The following STAMBPL1 variants were observed in gnomAD, a reference collection of about 807,000 sequenced individuals.
STAMBPL1 encodes STAM binding protein like 1, also known as AMSH-like protease.
A neutral mutation model predicts 52.9 loss-of-function variants in STAMBPL1; 44 were observed. The ratio of observed to expected loss-of-function variants is 0.83; its 90% CI spans 0.65 to 1.07. The LOEUF is 1.07. STAMBPL1 is among the 50% of genes least tolerant of loss of function. STAMBPL1 has a pLI of 0.00. For synonymous variants in STAMBPL1, 164 were observed against 177.3 expected, an observed-to-expected ratio of 0.92 and a Z score of 0.60; for missense variants, 511 against 520.8, an observed-to-expected ratio of 0.98 and a Z score of 0.18.
chr10:88,899,540 C>T (rs985946580), intron 1 of STAMBPL1, among the ~76,000 whole-genome samples: 2 of 152,152 alleles, frequency 1.3e-5, no homozygotes, highest in South Asian at 2.1e-4. Context: ...GCTGGAGTCT[C>T]GCTCTGTCAC....
At chr10:88,892,576 G>A (rs1489206190) in intron 1 of STAMBPL1, among the ~76,000 whole-genome samples, 1 of 152,186 alleles carries the variant, frequency 6.6e-6, no homozygotes, top group African/African-American at 2.4e-5. Context: ...AGCTCTTCAA[G>A]AAAACTCTTT....
intron 7 of STAMBPL1, 24 bp downstream of exon 7, chr10:88,914,682 AT>A: frequency 2.0e-6 from 2 of 1,008,176 alleles, no homozygotes; most frequent in Non-Finnish European, 2.6e-6. Context: ...ATATAAATAT[AT>A]ATATATATAT....
intron 8 of STAMBPL1, among the ~76,000 whole-genome samples, chr10:88,917,971 T>A (rs567324794): frequency 7.2e-5 from 11 of 152,242 alleles, no homozygotes; most frequent in African/African-American, 1.9e-4. Flanking sequence ...GAGCACTCCC[T>A]TCAACCTTGA....
chr10:88,899,868 C>T (rs1016099861), intron 1 of STAMBPL1, among the ~76,000 whole-genome samples: 2 of 152,164 alleles, frequency 1.3e-5, no homozygotes, highest in African/African-American at 2.4e-5. Flanking sequence ...TTGTTCCCCT[C>T]CCTCCCCGGC....
intron 3 of STAMBPL1, among the ~76,000 whole-genome samples, chr10:88,908,034 G>A (rs1845117778): frequency 6.6e-6 from 1 of 152,192 alleles, no homozygotes; most frequent in African/African-American, 2.4e-5. Context: ...TTCAGGCTGA[G>A]GATACATCAG....
rs1378960176 is a variant in STAMBPL1 at position 88,913,386 on chromosome 10, A to G, written c.706A>G (p.Thr236Ala). The change falls in exon 6 of 11, where the codon ACC becomes GCC. Residue 236 changes from threonine (T) to alanine (A), a missense_variant. By Grantham distance (58) the Thr-to-Ala change is moderately conservative. Coordinates refer to ENST00000371926, the MANE Select transcript of STAMBPL1 (RefSeq NM_020799.4). The part of the protein sequence containing the change: ...FADQPNKSDA[T>A]NYASHSPPVN... ...AGATCAACCTAATAAAAGTGATGCA[A>G]CCAATTATGCTAGCCACTCTCCTCC... 1 of 1,613,644 alleles carries G rather than the reference A, an allele frequency of 6.2e-7. No homozygotes were observed. Among genetic ancestry groups the G allele is most frequent in the Non-Finnish European group, 8.5e-7 (1 of 1,179,826 alleles).
chr10:88,908,223 TG>T (rs1336216067), intron 3 of STAMBPL1, among the ~76,000 whole-genome samples: 2 of 152,248 alleles, frequency 1.3e-5, no homozygotes, highest in African/African-American at 4.8e-5. Flanking sequence ...GGATTCTGGT[TG>T]TCACTTTTCT....
chr10:88,888,069 A>G (rs771585485), intron 1 of STAMBPL1, among the ~76,000 whole-genome samples: 17 of 152,160 alleles, frequency 1.1e-4, no homozygotes, highest in Non-Finnish European at 2.5e-4. Context: ...AATATGATCT[A>G]TCTTTTGATG....
At chr10:88,914,499 G>GC (rs1365816733) in intron 6 of STAMBPL1, 35 bp from the exon 7 acceptor site, 1 of 1,445,498 alleles carries the variant, frequency 6.9e-7, no homozygotes, top group South Asian at 1.6e-5. Context: ...CATATAGTTT[G>GC]TTTTTTAGCC....
At chr10:88,905,839 A>C (rs1341201908) in intron 3 of STAMBPL1, among the ~76,000 whole-genome samples, 179 bp downstream of exon 3, 1 of 152,164 alleles carries the variant, frequency 6.6e-6, no homozygotes, top group Admixed American at 6.6e-5. Flanking sequence ...GCATCCCAAC[A>C]CCATCTCTGA....
intron 1 of STAMBPL1, among the ~76,000 whole-genome samples, chr10:88,889,796 T>G (rs1408551034): frequency 1.3e-5 from 2 of 152,240 alleles, no homozygotes; most frequent in Non-Finnish European, 2.9e-5. Flanking sequence ...TCTACAGATC[T>G]TATTCAAATT....
chr10:88,901,823 A>G, intron 2 of STAMBPL1, 85 bp downstream of exon 2: 1 of 1,369,034 alleles, frequency 7.3e-7, no homozygotes, highest in Non-Finnish European at 1.0e-6. Flanking sequence ...ATGAGTCACA[A>G]TTACTTTAAG....
At chr10:88,887,734 C>T (rs1231201797) in intron 1 of STAMBPL1, among the ~76,000 whole-genome samples, 1 of 152,034 alleles carries the variant, frequency 6.6e-6, no homozygotes, top group African/African-American at 2.4e-5. Flanking sequence ...GTTGCCCAGG[C>T]TGATCTTGAA....
At chr10:88,883,016 C>G (rs146099360) in intron 1 of STAMBPL1, among the ~76,000 whole-genome samples, 1 of 121,316 alleles carries the variant, frequency 8.2e-6, no homozygotes, top group African/African-American at 3.1e-5. Context: ...CCCCTCCCCC[C>G]ACCCCACGAC....
At position 88,922,534 on chromosome 10, in the gene STAMBPL1, A is replaced by C; in HGVS notation, c.1254+98A>C. 8 of 1,066,496 alleles carry C rather than the reference A, an allele frequency of 7.5e-6. No homozygotes were observed. In the South Asian group the frequency reaches 1.2e-4, roughly 16 times the overall value. The allele number at this position is 1,066,496 out of a possible 1,614,324, so 66.1% of individuals were successfully genotyped here. A position where few individuals can be genotyped will look rare whatever the true frequency, so the allele number is the denominator to read the frequency against. On this transcript the variant is annotated intron_variant, in intron 10 of 10. Coordinates refer to ENST00000371926, the MANE Select transcript of STAMBPL1 (RefSeq NM_020799.4). Reference sequence around the variant, plus strand: ...TAGTAGCAGTCTAATATAAGATAAAATACTGTACTGCTTAGTTTGGAGTTT... The same window carrying C: ...TAGTAGCAGTCTAATATAAGATAAACTACTGTACTGCTTAGTTTGGAGTTT...
chr10:88,913,562 T>A (rs1287750425), intron 6 of STAMBPL1, 104 bp downstream of exon 6: 2 of 943,612 alleles, frequency 2.1e-6, no homozygotes, highest in Non-Finnish European at 3.2e-6. Flanking sequence ...TTAATTGTAG[T>A]AGGACCCCTG....
At chr10:88,912,910 G>A in intron 5 of STAMBPL1, 191 bp from the exon 6 acceptor site, 2 of 600,056 alleles carry the variant, frequency 3.3e-6, no homozygotes, top group Non-Finnish European at 5.9e-6. Flanking sequence ...ATTTAGAACT[G>A]CTATGTTAAT....
intron 2 of STAMBPL1, among the ~76,000 whole-genome samples, chr10:88,905,042 A>G (rs114725466): frequency 6.6e-5 from 10 of 152,272 alleles, no homozygotes; most frequent in African/African-American, 2.4e-4. Flanking sequence ...GACCCTTCAG[A>G]GTAGACTGAC....
chr10:88,881,097 C>T (rs922453043), intron 1 of STAMBPL1, among the ~76,000 whole-genome samples: 4 of 152,114 alleles, frequency 2.6e-5, no homozygotes, highest in African/African-American at 4.8e-5. Flanking sequence ...ACCTTTACCC[C>T]GGCCGAGCAG....
Sources: allele counts gnomAD v4.1 joint callset (sites outside exome capture counted in the v4.1 genomes callset), GRCh38; gene constraint gnomAD v4.1.1; transcripts MANE v1.5; gene names NCBI Gene and HGNC (gene_info 2026-07-23, HGNC 2026-07-21).